RASGEF1C: variants seen among roughly 807,000 people sequenced by gnomAD.
RASGEF1C encodes ras-GEF domain-containing family member 1C.
RASGEF1C carries 27 observed loss-of-function variants against 58.1 expected under a neutral mutation model. The observed-to-expected ratio is 0.46, with a 90% CI of 0.34 to 0.64. RASGEF1C has a LOEUF of 0.64. Ranked by LOEUF, RASGEF1C falls within the 30% of genes least tolerant of loss-of-function variation. The pLI, the probability that RASGEF1C is intolerant of heterozygous loss-of-function variation, is 0.01. For synonymous variants in RASGEF1C, 243 were observed against 246.3 expected (o/e 0.99, Z 0.13); for missense variants, 502 against 605.1 (o/e 0.83, Z 1.79).
intron 1 of RASGEF1C, among the ~76,000 whole-genome samples, chr5:180,195,532 G>T (rs536385063): frequency 1.3e-5 from 2 of 152,088 alleles, no homozygotes; most frequent in South Asian, 2.1e-4. Context: ...AGGCCGAGGC[G>T]GGTGCATCAC....
At chr5:180,120,120 G>A (rs755902075) in intron 7 of RASGEF1C, among the ~76,000 whole-genome samples, 4 of 152,194 alleles carry the variant, frequency 2.6e-5, no homozygotes, top group South Asian at 4.1e-4. Flanking sequence ...CACACAGGTC[G>A]GTGTTGCTTG....
rs1335170043 is a variant in RASGEF1C, at chr5:180,137,995, G to C, written c.58C>G (p.Pro20Ala). The C allele has an allele frequency of 7.6e-6, 12 of 1,580,612 alleles. No homozygotes were observed. The East Asian group carries it at 1.8e-4, about 24-fold the overall frequency. The change falls in exon 2 of 14, where the codon CCC (proline) becomes GCC (alanine). Residue 20 changes from proline (P) to alanine (A), a missense_variant. Pro to Ala is a conservative substitution (Grantham distance 27). Coordinates refer to ENST00000361132, the MANE Select transcript of RASGEF1C (RefSeq NM_175062.4). This position sits in a 1 kb window ranked among gnomAD's most constrained non-coding sequence, Gnocchi z 4.1. ...MVTPGSLSPP[P>A]TEPTDGEQAG... is the part of the protein sequence containing the mutation. The stretch of plus-strand genomic sequence containing the variant: ...TGTTCGCCATCTGTGGGCTCGGTGG[G>C]GGGTGGGCTGAGGCTGCCTGGGGTG...
intron 1 of RASGEF1C, among the ~76,000 whole-genome samples, chr5:180,149,809 ATTT>A (rs1343738926): frequency 6.6e-6 from 1 of 151,804 alleles, no homozygotes; most frequent in South Asian, 2.1e-4. Flanking sequence ...AATATTCTCT[ATTT>A]GTTGTTGTAT....
intron 1 of RASGEF1C, among the ~76,000 whole-genome samples, chr5:180,174,491 C>T (rs4700897): frequency 9.0e-4 from 130 of 143,778 alleles, no homozygotes; most frequent in Non-Finnish European, 1.4e-3. Context: ...TGTGTGTGCG[C>T]GTGTGTGTCT....
rs147039141 is a variant in RASGEF1C at position 180,158,032 on chromosome 5, T to C, written c.-6-19974A>G. ...CCATTCTGGTGGGTGACGTCGATAATGGGGGAGGCTCTGCATGTGTGGAGG... is the reference window on the plus strand; with the variant it reads ...CCATTCTGGTGGGTGACGTCGATAACGGGGGAGGCTCTGCATGTGTGGAGG... On this transcript the variant is annotated intron_variant, in intron 1 of 13. Coordinates refer to ENST00000361132, the MANE Select transcript of RASGEF1C (RefSeq NM_175062.4). The surrounding 1 kb of genome is among the most constrained non-coding windows in gnomAD (Gnocchi z 4.0). 7.1e-3 allele frequency among the ~76,000 whole-genome samples: 1,079 copies of C among 152,210 alleles called. 20 individuals carry two copies. Among genetic ancestry groups the C allele is most frequent in the African/African-American group, 0.025 (1,025 of 41,544 alleles).
chr5:180,140,091 G>A (rs772383136), intron 1 of RASGEF1C, among the ~76,000 whole-genome samples: 2 of 152,168 alleles, frequency 1.3e-5, no homozygotes, highest in Non-Finnish European at 2.9e-5. Context: ...CCTGGGGCCT[G>A]GCCTGGACCC....
At chr5:180,117,586 A>G (rs1158029913) in intron 10 of RASGEF1C, among the ~76,000 whole-genome samples, 2 of 152,238 alleles carry the variant, frequency 1.3e-5, no homozygotes, top group Admixed American at 1.3e-4. Context: ...CCAGAGGATC[A>G]TTGCAATCCC....
At position 180,149,802 on chromosome 5, in the gene RASGEF1C, A is replaced by G. The variant is rs112365392; in HGVS notation, c.-6-11744T>C. ...TCACTTCTTTCTTGCTGCTCTCAAT[A>G]TTCTCTATTTGTTGTTGTATTTTCC... On this transcript the variant is annotated intron_variant, in intron 1 of 13. Transcript: ENST00000361132. Among the ~76,000 whole-genome samples, 14 of 152,184 alleles carry G rather than the reference A, an allele frequency of 9.2e-5. 1 individual carries two copies. Among genetic ancestry groups the G allele is most frequent in the African/African-American group, 3.4e-4 (14 of 41,504 alleles).
At chr5:180,176,442 C>T (rs1767226205) in intron 1 of RASGEF1C, among the ~76,000 whole-genome samples, 1 of 152,256 alleles carries the variant, frequency 6.6e-6, no homozygotes, top group South Asian at 2.1e-4. Context: ...AGGCCCCGCG[C>T]CATCCATCGC....
At chr5:180,160,419 GC>G (rs1238123383) in intron 1 of RASGEF1C, among the ~76,000 whole-genome samples, 1 of 152,180 alleles carries the variant, frequency 6.6e-6, no homozygotes, top group African/African-American at 2.4e-5. Context: ...CAAGAGGTGG[GC>G]TCCACGCTGC....
intron 1 of RASGEF1C, among the ~76,000 whole-genome samples, chr5:180,207,263 A>G (rs1206051969): frequency 1.3e-5 from 2 of 152,250 alleles, no homozygotes; most frequent in East Asian, 3.8e-4. Flanking sequence ...ATGATGAAAT[A>G]TATTCATGTT....
chr5:180,121,166 A>G lies in RASGEF1C; in HGVS notation c.715-17T>C, dbSNP rs773899544. ...GAAGCAGGGCTAGAACAAACACAGC[A>G]CACGGGACCACGTTCTGAGCCTTTT... On this transcript the variant is annotated splice_polypyrimidine_tract_variant and intron_variant, in intron 6 of 13. Transcript: ENST00000361132. 9.0e-6 allele frequency: 14 copies of G among 1,562,328 alleles called. 1 individual carries two copies. The South Asian group carries it at 1.6e-4, about 17-fold the overall frequency.
At chr5:180,152,767 C>A (rs972775489) in intron 1 of RASGEF1C, among the ~76,000 whole-genome samples, 1 of 151,390 alleles carries the variant, frequency 6.6e-6, no homozygotes, top group Non-Finnish European at 1.5e-5. Context: ...AAAAAATTAG[C>A]TGGGCGTGGT....
chr5:180,123,709 T>C (rs1350426175), intron 6 of RASGEF1C, among the ~76,000 whole-genome samples: 1 of 150,502 alleles, frequency 6.6e-6, no homozygotes, highest in Admixed American at 6.6e-5. Context: ...TAATAAAGAG[T>C]AGAGAAGAAA....
chr5:180,116,811 A>C (rs12656413), intron 10 of RASGEF1C, among the ~76,000 whole-genome samples: 53,108 of 152,192 alleles, frequency 0.35, 9,750 homozygotes, highest in East Asian at 0.48. Context: ...TGCCCTGCGA[A>C]CACCACACAC....
intron 6 of RASGEF1C, 123 bp downstream of exon 6, chr5:180,127,486 G>C (rs955938968): frequency 5.8e-5 from 50 of 863,576 alleles, no homozygotes; most frequent in Non-Finnish European, 7.7e-5. Context: ...AGGGCCCCCC[G>C]AGCCCACCTG....
rs973199065 is a variant in RASGEF1C at position 180,119,339 on chromosome 5, C to A, written c.907+7G>T. 1.2e-6 allele frequency: 2 copies of A among 1,610,502 alleles called. No homozygotes were observed. Among genetic ancestry groups the A allele is most frequent in the Non-Finnish European group, 1.7e-6 (2 of 1,176,684 alleles). On this transcript the variant is annotated splice_region_variant and intron_variant, in intron 8 of 13. Transcript: ENST00000361132. ...CTGGGGGCCACAGGCCAGGCCGGCC[C>A]ACTCACAGATGATGGCCATGAGGGA...
At chr5:180,113,692 T>C (rs1766012967) in intron 11 of RASGEF1C, among the ~76,000 whole-genome samples, 1 of 122,284 alleles carries the variant, frequency 8.2e-6, no homozygotes, top group Admixed American at 8.1e-5. Flanking sequence ...GGATCGGGGA[T>C]GGACGGAGGG....
chr5:180,205,189 A>C (rs1181151018), intron 1 of RASGEF1C, among the ~76,000 whole-genome samples: 2 of 152,170 alleles, frequency 1.3e-5, no homozygotes, highest in East Asian at 3.8e-4. Context: ...ACTCCGTCTC[A>C]AAATAAATAA....
Sources: allele counts gnomAD v4.1 joint callset (sites outside exome capture counted in the v4.1 genomes callset), GRCh38; gene constraint gnomAD v4.1.1; non-coding constraint Gnocchi (gnomAD v3.1); transcripts MANE v1.5; gene names NCBI Gene and HGNC (gene_info 2026-07-23, HGNC 2026-07-21).